The following MYO1E variants were observed in gnomAD, a reference collection of about 807,000 sequenced individuals.
The protein encoded by MYO1E is myosin IE.
Under a neutral mutation model 151.1 loss-of-function variants are expected in MYO1E, and 68 were observed. The observed-to-expected ratio is 0.45, with a 90% CI of 0.37 to 0.55. The LOEUF is 0.55. Ranked by LOEUF, MYO1E falls within the 20% of genes least tolerant of loss-of-function variation. MYO1E has a pLI of 0.00. For missense variants in MYO1E, 1,363 were observed against 1,389.3 expected (o/e 0.98, Z 0.30); for synonymous variants, 601 against 501.7 (o/e 1.20, Z -2.64).
At chr15:59,232,565 T>C (rs1263027144) in intron 5 of MYO1E, among the ~76,000 whole-genome samples, 3 of 152,226 alleles carry the variant, frequency 2.0e-5, no homozygotes, top group Non-Finnish European at 4.4e-5. Flanking sequence ...ATAGATAGAA[T>C]TTGATGTTGG....
chr15:59,173,263 A>G (rs1005304761), intron 21 of MYO1E, among the ~76,000 whole-genome samples: 1 of 152,230 alleles, frequency 6.6e-6, no homozygotes, highest in Admixed American at 6.5e-5. Context: ...ATACACAAAG[A>G]TGTGTGAAAA....
At chr15:59,206,886 G>T in intron 14 of MYO1E, 2 of 1,548,950 alleles carry the variant, frequency 1.3e-6, no homozygotes, top group Non-Finnish European at 1.7e-6. Context: ...GCGTCTCAAC[G>T]TTCGGATCAG....
chr15:59,203,384 CTTT>C (rs71119440), intron 15 of MYO1E, among the ~76,000 whole-genome samples: 1 of 144,402 alleles, frequency 6.9e-6, no homozygotes, highest in African/African-American at 2.6e-5. Flanking sequence ...AATATACTTT[CTTT>C]TTTTTTTTTT....
At chr15:59,190,401 T>C (rs1778267940) in intron 17 of MYO1E, among the ~76,000 whole-genome samples, 1 of 152,152 alleles carries the variant, frequency 6.6e-6, no homozygotes, top group South Asian at 2.1e-4. Context: ...GCATCCTCAT[T>C]CCGATGTCAC....
chr15:59,196,143 C>T (rs1227411664), intron 16 of MYO1E, among the ~76,000 whole-genome samples: 1 of 152,146 alleles, frequency 6.6e-6, no homozygotes, highest in African/African-American at 2.4e-5. Flanking sequence ...CCATTTCATT[C>T]AGTTTCTTCC....
At chr15:59,359,880 A>G (rs1309148744) in intron 1 of MYO1E, 2 of 152,200 alleles carry the variant, frequency 1.3e-5, no homozygotes, top group Admixed American at 6.5e-5. Context: ...ATTAAAACTT[A>G]AAGGGAAGCT....
At chr15:59,271,194 C>T (rs1191509081) in intron 2 of MYO1E, 10 of 152,104 alleles carry the variant, frequency 6.6e-5, no homozygotes, top group African/African-American at 1.2e-4. Flanking sequence ...GATAGGCAGC[C>T]GCTGCAAAAG....
intron 1 of MYO1E, among the ~76,000 whole-genome samples, chr15:59,281,006 G>T (rs1002407298): frequency 3.9e-5 from 6 of 152,130 alleles, no homozygotes; most frequent in Admixed American, 1.3e-4. Flanking sequence ...ACCCACTAGA[G>T]GATGAGGACA....
intron 26 of MYO1E, among the ~76,000 whole-genome samples, chr15:59,150,854 A>G (rs530934798): frequency 6.6e-6 from 1 of 152,180 alleles, no homozygotes; most frequent in Non-Finnish European, 1.5e-5. Flanking sequence ...AAACGCGGAA[A>G]GTGGGCCAGC....
At chr15:59,153,077 A>G (rs1373679535) in intron 26 of MYO1E, among the ~76,000 whole-genome samples, 2 of 152,196 alleles carry the variant, frequency 1.3e-5, no homozygotes, top group African/African-American at 4.8e-5. Context: ...CTCCGGCTAA[A>G]AAGGCTGGGT....
At chr15:59,368,211 G>A (rs1301256143) in intron 1 of MYO1E, among the ~76,000 whole-genome samples, 6 of 152,184 alleles carry the variant, frequency 3.9e-5, no homozygotes, top group Admixed American at 6.5e-5. Flanking sequence ...TAATATGGTC[G>A]ATATAACCAT....
chr15:59,161,050 T>C, intron 24 of MYO1E, 23 bp downstream of exon 24: 1 of 1,612,448 alleles, frequency 6.2e-7, no homozygotes, highest in Admixed American at 1.7e-5. Flanking sequence ...CAGTTCTGCC[T>C]GCAGGGCCCG....
intron 1 of MYO1E, among the ~76,000 whole-genome samples, chr15:59,296,337 G>A (rs1379766251): frequency 1.3e-5 from 2 of 152,182 alleles, no homozygotes; most frequent in African/African-American, 2.4e-5. Context: ...TCCCTTCACT[G>A]GGGTACATTC....
chr15:59,184,683 T>A (rs1407795350), intron 18 of MYO1E, among the ~76,000 whole-genome samples: 1 of 152,186 alleles, frequency 6.6e-6, no homozygotes, highest in Non-Finnish European at 1.5e-5. Flanking sequence ...TCTTTATCCA[T>A]TTGTCTGTTG....
At chr15:59,372,456 T>G in intron 1 of MYO1E, 42 bp downstream of exon 1, 1 of 1,536,792 alleles carries the variant, frequency 6.5e-7, no homozygotes, top group Non-Finnish European at 8.7e-7. Flanking sequence ...TCCTGCCCCG[T>G]CCCCGGGTCC....
intron 1 of MYO1E, among the ~76,000 whole-genome samples, chr15:59,354,679 T>C (rs967323744): frequency 6.6e-5 from 10 of 152,212 alleles, no homozygotes; most frequent in Non-Finnish European, 1.5e-4. Context: ...TTTGAACGGA[T>C]AGTGGTGAAT....
In MYO1E at chr15:59,202,521, C is replaced by T; in HGVS notation, c.1617-114G>A. 3 of 945,568 alleles carry T rather than the reference C, an allele frequency of 3.2e-6. No individual in the cohort carries two copies. The South Asian group carries it at 4.0e-5, about 13-fold the overall frequency. 58.6% of individuals were successfully genotyped at this position (945,568 alleles called of 1,614,324 possible). On this transcript the variant is annotated intron_variant, in intron 15 of 27. Coordinates refer to ENST00000288235, the MANE Select transcript of MYO1E (RefSeq NM_004998.4). ...GTCCCCAGGCACATAACCTTGGCTA[C>T]AGAAAAGCCATCTGACTCACAGCGC...
intron 4 of MYO1E, among the ~76,000 whole-genome samples, chr15:59,236,888 G>A (rs2080070161): frequency 6.6e-6 from 1 of 152,190 alleles, no homozygotes; most frequent in Admixed American, 6.5e-5. Context: ...TTAACATGGT[G>A]TGGATAATTA....
Position 59,207,726 on chromosome 15 carries a change from T to A in MYO1E, c.1530+955A>T, listed in dbSNP as rs112372710. 9.0e-4 allele frequency: 1,447 copies of A among 1,614,110 alleles called. 19 individuals carry two copies. The African/African-American group carries it at 0.017, about 19-fold the overall frequency. ...ACATAGCTGGTGTCCCTTTGAAGGATCTGAACTCTGATATAGGAACTGATA... is the reference window on the plus strand; with the variant it reads ...ACATAGCTGGTGTCCCTTTGAAGGAACTGAACTCTGATATAGGAACTGATA... On this transcript the variant is annotated intron_variant, in intron 14 of 27. Coordinates refer to ENST00000288235, the MANE Select transcript of MYO1E (RefSeq NM_004998.4).
Sources: allele counts gnomAD v4.1 joint callset (sites outside exome capture counted in the v4.1 genomes callset), GRCh38; gene constraint gnomAD v4.1.1; transcripts MANE v1.5; gene names NCBI Gene and HGNC (gene_info 2026-07-23, HGNC 2026-07-21).